The following ARSB variants were observed in gnomAD, a reference collection of about 807,000 sequenced individuals.
ARSB encodes the protein N-acetylgalactosamine-4-sulfatase.
ARSB carries 41 observed loss-of-function variants against 50.9 expected under a neutral mutation model. That is an observed-to-expected ratio of 0.81 (90% CI 0.63 to 1.04). ARSB has a LOEUF of 1.04. ARSB is among the 50% of genes least tolerant of loss of function. ARSB has a pLI of 0.00. For synonymous variants in ARSB, 269 were observed against 284.8 expected, an observed-to-expected ratio of 0.94 and a Z score of 0.56; for missense variants, 672 against 693.3, an observed-to-expected ratio of 0.97 and a Z score of 0.35.
chr5:78,781,758 C>A, intron 7 of ARSB, 94 bp downstream of exon 7: 1 of 1,554,706 alleles, frequency 6.4e-7, no homozygotes, highest in Non-Finnish European at 8.9e-7. Context: ...GAATCAAATC[C>A]CAGGAGGGCA....
At chr5:78,904,954 T>A (rs369721379) in intron 4 of ARSB, among the ~76,000 whole-genome samples, 122 of 152,276 alleles carry the variant, frequency 8.0e-4, no homozygotes, top group African/African-American at 2.6e-3. Context: ...CCTCCCAAAG[T>A]GCTGGGATTA....
Position 78,834,607 on chromosome 5 carries a change from GTATATATATATA to G in ARSB, c.1213+4737_1213+4748del, listed in dbSNP as rs58773415. Among the ~76,000 whole-genome samples the G allele has an allele frequency of 2.0e-3, 173 of 85,646 alleles. 2 individuals are homozygous for G. Among genetic ancestry groups the G allele is most frequent in the African/African-American group, 5.0e-3 (126 of 25,214 alleles). 56.2% of individuals were successfully genotyped at this position (85,646 alleles called of 152,430 possible). ...ATACTATTTCATGGTATATATATGT[GTATATATATATA>G]TATATATATATATATATATATATAT... On this transcript the variant is annotated intron_variant, in intron 6 of 7. Coordinates refer to ENST00000264914, the MANE Select transcript of ARSB (RefSeq NM_000046.5).
At chr5:78,953,440 T>A (rs1256772812) in intron 4 of ARSB, among the ~76,000 whole-genome samples, 1 of 152,230 alleles carries the variant, frequency 6.6e-6, no homozygotes, top group East Asian at 1.9e-4. Flanking sequence ...TCCATTATCA[T>A]GAGGATTCAC....
intron 1 of ARSB, among the ~76,000 whole-genome samples, chr5:78,981,914 C>CT (rs1202455685): frequency 0.3 from 16,304 of 53,868 alleles, 6,402 homozygotes; most frequent in Non-Finnish European, 0.48. Flanking sequence ...AGATATGACT[C>CT]TTTTTTTTTT....
intron 5 of ARSB, among the ~76,000 whole-genome samples, chr5:78,877,651 A>T (rs1747550279): frequency 6.6e-6 from 1 of 152,186 alleles, no homozygotes; most frequent in Admixed American, 6.5e-5. Context: ...GGCCTCCCAA[A>T]GTGCTGGGAT....
chr5:78,798,476 G>A (rs1743259638), intron 6 of ARSB, among the ~76,000 whole-genome samples: 2 of 151,690 alleles, frequency 1.3e-5, no homozygotes, highest in South Asian at 4.2e-4. Flanking sequence ...CTGAGTCTCT[G>A]GCAAGGGATG....
At chr5:78,800,201 C>G (rs1743333506) in intron 6 of ARSB, among the ~76,000 whole-genome samples, 1 of 151,842 alleles carries the variant, frequency 6.6e-6, no homozygotes, top group South Asian at 2.1e-4. Context: ...ACCTGTAGTC[C>G]CAGCTACTCA....
At chr5:78,897,070 G>C (rs1355859668) in intron 4 of ARSB, among the ~76,000 whole-genome samples, 1 of 151,892 alleles carries the variant, frequency 6.6e-6, no homozygotes, top group Non-Finnish European at 1.5e-5. Flanking sequence ...AAAAGAGAGA[G>C]CAGGGATAAA....
At chr5:78,827,851 C>G (rs899363347) in intron 6 of ARSB, among the ~76,000 whole-genome samples, 1 of 151,790 alleles carries the variant, frequency 6.6e-6, no homozygotes, top group Non-Finnish European at 1.5e-5. Context: ...AATAAACTTC[C>G]ACAATTTCTG....
At chr5:78,805,557 A>G (rs1441726617) in intron 6 of ARSB, among the ~76,000 whole-genome samples, 1 of 152,130 alleles carries the variant, frequency 6.6e-6, no homozygotes. Flanking sequence ...AGAGGTAGGA[A>G]CCATTTCTGA....
chr5:78,860,561 A>G (rs549941965), intron 5 of ARSB, among the ~76,000 whole-genome samples: 15 of 152,224 alleles, frequency 9.9e-5, no homozygotes, highest in African/African-American at 3.1e-4. Flanking sequence ...TTTGAAACCA[A>G]TGAGAGCAAA....
intron 3 of ARSB, among the ~76,000 whole-genome samples, chr5:78,962,729 T>C (rs2112508598): frequency 6.6e-6 from 1 of 152,180 alleles, no homozygotes; most frequent in East Asian, 1.9e-4. Flanking sequence ...GGGGTTTCTA[T>C]TATTTTTTAA....
rs150449813 is a variant in ARSB at position 78,960,726 on chromosome 5, G to A, written c.690+3690C>T. Among the ~76,000 whole-genome samples, 375 of 152,142 alleles carry A rather than the reference G, an allele frequency of 2.5e-3. 1 individual carries two copies. Among genetic ancestry groups the A allele is most frequent in the African/African-American group, 8.7e-3 (359 of 41,490 alleles). On this transcript the variant is annotated intron_variant, in intron 3 of 7. Transcript: ENST00000264914. Reference sequence around the variant, plus strand: ...ATTACAGGTGCATGCCACCAGGCCTGGCTAATTTTTGTATTTTTAGTAGAG... The same window carrying A: ...ATTACAGGTGCATGCCACCAGGCCTAGCTAATTTTTGTATTTTTAGTAGAG...
chr5:78,968,985 A>G (rs1752327900), intron 2 of ARSB, 21 bp downstream of exon 2: 3 of 1,613,462 alleles, frequency 1.9e-6, no homozygotes, highest in South Asian at 2.2e-5. Flanking sequence ...GTTGTTAAAG[A>G]AACATGTGCA....
At chr5:78,952,740 C>T (rs1751540547) in intron 4 of ARSB, among the ~76,000 whole-genome samples, 1 of 152,166 alleles carries the variant, frequency 6.6e-6, no homozygotes. Flanking sequence ...CACATTTAAG[C>T]CCACGTACAA....
chr5:78,841,386 G>A (rs1745210032), intron 5 of ARSB, among the ~76,000 whole-genome samples: 1 of 152,050 alleles, frequency 6.6e-6, no homozygotes, highest in Non-Finnish European at 1.5e-5. Context: ...GAAAATAATA[G>A]CAAGCAAGGA....
chr5:78,899,286 G>C (rs775924059), intron 4 of ARSB, among the ~76,000 whole-genome samples: 4 of 152,064 alleles, frequency 2.6e-5, no homozygotes, highest in African/African-American at 4.8e-5. Flanking sequence ...CTATGCCTTG[G>C]AGTAGTCTTA....
At chr5:78,950,984 A>G (rs1452598151) in intron 4 of ARSB, among the ~76,000 whole-genome samples, 3 of 152,212 alleles carry the variant, frequency 2.0e-5, no homozygotes, top group Non-Finnish European at 4.4e-5. Flanking sequence ...GGAAAAGAAA[A>G]TGAGATGCAA....
intron 1 of ARSB, among the ~76,000 whole-genome samples, chr5:78,970,382 G>C (rs1402304262): frequency 6.6e-6 from 1 of 152,006 alleles, no homozygotes; most frequent in Non-Finnish European, 1.5e-5. Flanking sequence ...TTTTTCATAA[G>C]TTATTTATGT....
Sources: gnomAD v4.1 joint callset for allele counts (sites outside exome capture counted in the v4.1 genomes callset) on GRCh38, gnomAD v4.1.1 for gene constraint, MANE v1.5 for transcripts, NCBI Gene and HGNC (gene_info 2026-07-23, HGNC 2026-07-21) for gene names.